The following NCOA2 variants were observed in gnomAD, a reference collection of about 807,000 sequenced individuals.
NCOA2 encodes the protein nuclear receptor coactivator 2.
A neutral mutation model predicts 145.1 loss-of-function variants in NCOA2; 21 were observed. The ratio of observed to expected loss-of-function variants is 0.14; its 90% CI spans 0.10 to 0.21. NCOA2 has a LOEUF of 0.21. Among genes scored for constraint, NCOA2 ranks in the 10% least tolerant of loss-of-function variants. NCOA2 has a pLI of 1.00. For missense variants in NCOA2, 1,472 were observed against 1,837.6 expected (o/e 0.80, Z 3.64); for synonymous variants, 619 against 637.5 (o/e 0.97, Z 0.44).
rs116571920 is a variant in NCOA2 at position 70,308,126 on chromosome 8, A to C, written c.-76-11326T>G. On this transcript the variant is annotated intron_variant, in intron 1 of 22. Coordinates refer to ENST00000452400, the MANE Select transcript of NCOA2 (RefSeq NM_006540.4). ...AAATATGTCTCTGAACTGTAACTAA[A>C]GAACAAAGTCTTTTAAAACTAAAAG... 9.3e-3 allele frequency among the ~76,000 whole-genome samples: 1,414 copies of C among 152,332 alleles called. 22 individuals carry two copies. Among genetic ancestry groups the C allele is most frequent in the African/African-American group, 0.032 (1,318 of 41,568 alleles).
intron 22 of NCOA2, among the ~76,000 whole-genome samples, chr8:70,118,449 T>TATAC (rs1346523854): frequency 1.3e-5 from 2 of 152,066 alleles, no homozygotes; most frequent in Non-Finnish European, 2.9e-5. Flanking sequence ...CCTCTAGGTA[T>TATAC]ATACAGACAA....
At chr8:70,201,766 C>T (rs568318087) in intron 4 of NCOA2, among the ~76,000 whole-genome samples, 8 of 152,144 alleles carry the variant, frequency 5.3e-5, no homozygotes, top group Admixed American at 2.0e-4. Context: ...GGAAGTCTAA[C>T]GTAGCAAAAA....
chr8:70,166,471 C>A, intron 7 of NCOA2, 95 bp downstream of exon 7: 1 of 1,382,768 alleles, frequency 7.2e-7, no homozygotes, highest in Non-Finnish European at 1.0e-6. Context: ...ACTGCCTCCT[C>A]ACTTTTCTTT....
intron 2 of NCOA2, among the ~76,000 whole-genome samples, chr8:70,231,855 C>G (rs958942946): frequency 1.3e-5 from 2 of 152,154 alleles, no homozygotes; most frequent in African/African-American, 2.4e-5. Context: ...ATCTATCTTC[C>G]TAAGTTCACC....
rs537046101 is a variant in NCOA2 at position 70,153,042 on chromosome 8, A to G, written c.2394+2929T>C. Among the ~76,000 whole-genome samples the G allele has an allele frequency of 9.2e-5, 14 of 152,312 alleles. 1 individual carries two copies. Among genetic ancestry groups the G allele is most frequent in the South Asian group, 4.1e-4 (2 of 4,834 alleles). On this transcript the variant is annotated intron_variant, in intron 11 of 22. Transcript: ENST00000452400. The stretch of plus-strand genomic sequence containing the variant: ...GTGAAAGAATCATTGTTTTTTTCTT[A>G]AAGTAAGTCATTCTAACTTTGATCT...
intron 2 of NCOA2, among the ~76,000 whole-genome samples, chr8:70,234,370 T>C (rs1022275983): frequency 6.6e-6 from 1 of 152,230 alleles, no homozygotes; most frequent in African/African-American, 2.4e-5. Context: ...CTCTTGGATA[T>C]ATAGCTAGGA....
At chr8:70,124,611 G>A (rs1349698306) in intron 20 of NCOA2, 77 bp downstream of exon 20, 3 of 1,374,194 alleles carry the variant, frequency 2.2e-6, no homozygotes, top group East Asian at 2.4e-5. Context: ...AAAGCTCCTC[G>A]GGTGCAGGCA....
At chr8:70,159,242 A>ATATATATATATATATATTTTTTT in intron 10 of NCOA2, among the ~76,000 whole-genome samples, 8 of 61,076 alleles carry the variant, frequency 1.3e-4, no homozygotes, top group Admixed American at 3.6e-4. Context: ...ATATATATAT[A>ATATATATATATATATATTTTTTT]TTTTTTTTTT....
chr8:70,215,598 CTT>C (rs1370433820), intron 3 of NCOA2, among the ~76,000 whole-genome samples: 1 of 152,168 alleles, frequency 6.6e-6, no homozygotes, highest in Non-Finnish European at 1.5e-5. Context: ...CTCTGCCTCT[CTT>C]GATGACTTTT....
chr8:70,193,062 A>AC (rs1816863867), intron 4 of NCOA2, among the ~76,000 whole-genome samples: 1 of 68,748 alleles, frequency 1.5e-5, no homozygotes, highest in South Asian at 4.5e-4. Flanking sequence ...GCGAGACTCT[A>AC]TTAAAAAAAA....
At chr8:70,167,094 G>T (rs1813698286) in intron 6 of NCOA2, among the ~76,000 whole-genome samples, 1 of 152,090 alleles carries the variant, frequency 6.6e-6, no homozygotes, top group Non-Finnish European at 1.5e-5. Flanking sequence ...TTTGTTACTA[G>T]AATACTATAG....
chr8:70,141,111 G>C (rs1166700591), intron 14 of NCOA2, 73 bp downstream of exon 14: 23 of 1,432,534 alleles, frequency 1.6e-5, no homozygotes, highest in Non-Finnish European at 2.2e-5. Flanking sequence ...AGCATGTCTT[G>C]AAAGAACTTA....
At chr8:70,378,299 AAAAG>A (rs1192409544) in intron 1 of NCOA2, among the ~76,000 whole-genome samples, 3 of 152,164 alleles carry the variant, frequency 2.0e-5, no homozygotes, top group Non-Finnish European at 4.4e-5. Flanking sequence ...TTTAAAATAA[AAAAG>A]AAAATATTAT....
the NCOA2 span, among the ~76,000 whole-genome samples, chr8:70,442,252 G>A: frequency 3.9e-3 from 589 of 152,232 alleles, 2 homozygotes; most frequent in Non-Finnish European, 6.4e-3. Context: ...ATTAAAGTTG[G>A]CACGCGCTGG....
chr8:70,129,756 T>C (rs1318538810), intron 16 of NCOA2, among the ~76,000 whole-genome samples: 2 of 152,002 alleles, frequency 1.3e-5, no homozygotes, highest in Non-Finnish European at 2.9e-5. Context: ...ACTGCAACCT[T>C]GCCTCCCAGG....
At position 70,142,625 on chromosome 8, in the gene NCOA2, G is replaced by C. The variant is rs568967225; in HGVS notation, c.2813-1226C>G. ...GAGGTGGGAGGATCACTTGAGCCTG[G>C]GAGGTTGAAGCTATGGTGAGCTGTG... is the stretch of plus-strand genomic sequence containing the variant. On this transcript the variant is annotated intron_variant, in intron 13 of 22. Coordinates refer to ENST00000452400, the MANE Select transcript of NCOA2 (RefSeq NM_006540.4). Among the ~76,000 whole-genome samples the C allele has an allele frequency of 2.0e-3, 301 of 152,260 alleles. 3 individuals carry two copies. The highest frequency in any genetic ancestry group is 2.8e-3 in the Non-Finnish European group (193 of 68,014).
the NCOA2 span, among the ~76,000 whole-genome samples, chr8:70,441,667 TG>T: frequency 0.03 from 4,039 of 132,440 alleles, 90 homozygotes; most frequent in Non-Finnish European, 0.038. Context: ...AACAGGGTCA[TG>T]GTCACAGGTG....
At chr8:70,391,512 A>T (rs984378530) in intron 1 of NCOA2, among the ~76,000 whole-genome samples, 1 of 152,208 alleles carries the variant, frequency 6.6e-6, no homozygotes, top group African/African-American at 2.4e-5. Context: ...GAAAAGGTCC[A>T]AGGATGCCAT....
chr8:70,273,994 T>C lies in NCOA2; in HGVS notation c.-20+22750A>G, dbSNP rs73684263. Among the ~76,000 whole-genome samples the C allele has an allele frequency of 3.7e-3, 568 of 152,364 alleles. 9 individuals are homozygous for C. The highest frequency in any genetic ancestry group is 0.013 in the African/African-American group (552 of 41,586). On this transcript the variant is annotated intron_variant, in intron 2 of 22. Transcript: ENST00000452400. ...CTAATATTTTTAAGCTCAAGTCCCT[T>C]GGACACTACAGCTCTTTTCAGTTTT...
Sources: gnomAD v4.1 joint callset for allele counts (sites outside exome capture counted in the v4.1 genomes callset) on GRCh38, gnomAD v4.1.1 for gene constraint, MANE v1.5 for transcripts, NCBI Gene and HGNC (gene_info 2026-07-23, HGNC 2026-07-21) for gene names.